Variants in ARHGAP42 observed in about 807,000 individuals in gnomAD.
ARHGAP42 encodes Rho GTPase activating protein 42, also known as rho GTPase-activating protein 42.
Under a neutral mutation model 125.0 loss-of-function variants are expected in ARHGAP42, and 63 were observed. That is an observed-to-expected ratio of 0.50 (90% CI 0.41 to 0.62). The LOEUF (loss-of-function observed/expected upper bound fraction) is 0.62. Ranked by LOEUF, ARHGAP42 falls within the 20% of genes least tolerant of loss-of-function variation. The pLI is 0.00. For missense variants in ARHGAP42, 766 were observed against 1,024.2 expected (o/e 0.75, Z 3.44); for synonymous variants, 339 against 351.0 (o/e 0.97, Z 0.38).
chr11:100,880,683 A>G (rs756750305), intron 4 of ARHGAP42, among the ~76,000 whole-genome samples: 1 of 152,238 alleles, frequency 6.6e-6, no homozygotes, highest in African/African-American at 2.4e-5. Flanking sequence ...ACTGTTTTCC[A>G]TAGTGGTTGC....
intron 3 of ARHGAP42, among the ~76,000 whole-genome samples, chr11:100,827,537 T>G (rs1864549925): frequency 6.6e-6 from 1 of 152,104 alleles, no homozygotes; most frequent in Non-Finnish European, 1.5e-5. Context: ...ACAGTGGAAA[T>G]GTTTACCTGG....
At chr11:100,827,343 G>C (rs1032558697) in intron 3 of ARHGAP42, among the ~76,000 whole-genome samples, 1 of 152,118 alleles carries the variant, frequency 6.6e-6, no homozygotes, top group Non-Finnish European at 1.5e-5. Context: ...ACCTTCAATG[G>C]AATCACTTGG....
rs974009910 is a variant in ARHGAP42 at position 100,991,213 on chromosome 11, C to A, written c.*2412C>A. The A allele has an allele frequency of 1.3e-5, 2 of 152,148 alleles. No homozygotes were observed. Among genetic ancestry groups the A allele is most frequent in the African/African-American group, 4.8e-5 (2 of 41,432 alleles). The allele number at this position is 152,148 out of a possible 1,614,324, so 9.4% of individuals were successfully genotyped here. A position where few individuals can be genotyped will look rare whatever the true frequency, so the allele number is the denominator to read the frequency against. On this transcript the variant is annotated 3_prime_UTR_variant, in exon 24 of 24. Transcript: ENST00000298815. ...AATGTAAGCAAGTCATGGCCATATACTGGAGACGGGCTAAAGCTGCTTTTC... is the reference window on the plus strand; with the variant it reads ...AATGTAAGCAAGTCATGGCCATATAATGGAGACGGGCTAAAGCTGCTTTTC...
chr11:100,694,252 G>A (rs573601385), intron 1 of ARHGAP42, among the ~76,000 whole-genome samples: 1 of 152,174 alleles, frequency 6.6e-6, no homozygotes, highest in East Asian at 1.9e-4. Flanking sequence ...TTGGTGTCAA[G>A]TGCAGTTTTT....
chr11:100,962,529 G>T, intron 16 of ARHGAP42, 62 bp downstream of exon 16: 1 of 1,367,798 alleles, frequency 7.3e-7, no homozygotes, highest in Non-Finnish European at 1.0e-6. Context: ...CCATACTTAG[G>T]CATATATTAC....
At chr11:100,900,862 A>G (rs545432346) in intron 4 of ARHGAP42, among the ~76,000 whole-genome samples, 6 of 152,178 alleles carry the variant, frequency 3.9e-5, no homozygotes, top group Admixed American at 2.6e-4. Flanking sequence ...GAAGTTCGTT[A>G]TTACCGACCT....
chr11:100,887,447 A>G (rs1866119204), intron 4 of ARHGAP42, among the ~76,000 whole-genome samples: 1 of 152,186 alleles, frequency 6.6e-6, no homozygotes, highest in African/African-American at 2.4e-5. Flanking sequence ...CCTTATCTAA[A>G]CTACTTGAAT....
At chr11:100,961,192 C>T (rs60423120) in intron 14 of ARHGAP42, among the ~76,000 whole-genome samples, 10,409 of 151,712 alleles carry the variant, frequency 0.069, 478 homozygotes, top group East Asian at 0.25. Flanking sequence ...TATTTTTTTT[C>T]CCCAAGTGTC....
intron 2 of ARHGAP42, among the ~76,000 whole-genome samples, chr11:100,793,234 T>G (rs1295022891): frequency 1.3e-5 from 2 of 152,216 alleles, no homozygotes; most frequent in African/African-American, 4.8e-5. Context: ...ACCAGAATGA[T>G]GGAATACTTT....
At chr11:100,952,367 A>G (rs1591317614) in intron 12 of ARHGAP42, among the ~76,000 whole-genome samples, 1 of 152,124 alleles carries the variant, frequency 6.6e-6, no homozygotes, top group East Asian at 1.9e-4. Context: ...TCTTTTCAAC[A>G]CCTAGCAACT....
rs528825292 is a variant in ARHGAP42 at position 100,895,897 on chromosome 11, T to C, written c.385-17555T>C. Among the ~76,000 whole-genome samples, 12 of 152,246 alleles carry C rather than the reference T, an allele frequency of 7.9e-5. No individual in the cohort carries two copies. In the East Asian group the frequency reaches 1.9e-3, roughly 24 times the overall value. Reference sequence around the variant, plus strand: ...GGGTACATGTGCACAACGTGTAGGATTGTTACATAGGTATACATGTGCCAT... The same window carrying C: ...GGGTACATGTGCACAACGTGTAGGACTGTTACATAGGTATACATGTGCCAT... On this transcript the variant is annotated intron_variant, in intron 4 of 23. Coordinates refer to ENST00000298815, the MANE Select transcript of ARHGAP42 (RefSeq NM_152432.4).
At chr11:100,840,484 G>A (rs775621748) in intron 3 of ARHGAP42, 1 of 152,128 alleles carries the variant, frequency 6.6e-6, no homozygotes, top group Non-Finnish European at 1.5e-5. Context: ...TCTAACTTTA[G>A]AATGTGAATA....
At chr11:100,959,508 G>A (rs769902256) in intron 12 of ARHGAP42, among the ~76,000 whole-genome samples, 4 of 152,074 alleles carry the variant, frequency 2.6e-5, no homozygotes, top group East Asian at 1.9e-4. Context: ...TGAGAATCGC[G>A]GGAAAGGATA....
chr11:100,693,777 C>G (rs1054355973), intron 1 of ARHGAP42, among the ~76,000 whole-genome samples: 2 of 152,184 alleles, frequency 1.3e-5, no homozygotes, highest in Non-Finnish European at 2.9e-5. Context: ...CAGGTAACCA[C>G]TACACTTTAA....
chr11:100,838,345 A>G (rs1864864544), intron 3 of ARHGAP42, among the ~76,000 whole-genome samples: 1 of 152,144 alleles, frequency 6.6e-6, no homozygotes, highest in Admixed American at 6.6e-5. Context: ...TTGTGAGTAA[A>G]GACAATGTAT....
At chr11:100,907,119 G>A (rs995289578) in intron 4 of ARHGAP42, among the ~76,000 whole-genome samples, 4 of 152,222 alleles carry the variant, frequency 2.6e-5, no homozygotes, top group Admixed American at 2.0e-4. Flanking sequence ...AAGGGTTCCT[G>A]TGTCTCCACA....
At chr11:100,697,323 C>G (rs1861303581) in intron 1 of ARHGAP42, among the ~76,000 whole-genome samples, 1 of 152,152 alleles carries the variant, frequency 6.6e-6, no homozygotes, top group African/African-American at 2.4e-5. Flanking sequence ...GCTGGGACTA[C>G]GGGCGCCCGG....
At chr11:100,953,402 T>C (rs1353664658) in intron 12 of ARHGAP42, among the ~76,000 whole-genome samples, 2 of 152,204 alleles carry the variant, frequency 1.3e-5, no homozygotes, top group South Asian at 2.1e-4. Context: ...TGGTAAAATA[T>C]ATAACTTAGG....
At chr11:100,741,161 G>A (rs1565549949) in intron 1 of ARHGAP42, among the ~76,000 whole-genome samples, 9 of 152,160 alleles carry the variant, frequency 5.9e-5, no homozygotes, top group Admixed American at 5.9e-4. Flanking sequence ...CTCCTGAGTA[G>A]TGGGGATTAC....
Sources: allele counts gnomAD v4.1 joint callset (sites outside exome capture counted in the v4.1 genomes callset), GRCh38; gene constraint gnomAD v4.1.1; transcripts MANE v1.5; gene names NCBI Gene and HGNC (gene_info 2026-07-23, HGNC 2026-07-21).